The following COL5A1 variants were observed in gnomAD, a reference collection of about 807,000 sequenced individuals.
COL5A1 encodes collagen alpha-1(V) chain.
A neutral mutation model predicts 263.7 loss-of-function variants in COL5A1; 16 were observed. The ratio of observed to expected loss-of-function variants is 0.06; its 90% CI spans 0.04 to 0.09. The LOEUF (loss-of-function observed/expected upper bound fraction) is 0.09, where lower values mean the gene tolerates loss of function less well. Among genes scored for constraint, COL5A1 ranks in the 10% least tolerant of loss-of-function variants. The pLI is 1.00. For missense variants in COL5A1, 2,036 were observed against 2,540.5 expected, an observed-to-expected ratio of 0.80 and a Z score of 4.27; for synonymous variants, 1,012 against 1,004.5, an observed-to-expected ratio of 1.01 and a Z score of -0.14.
rs530238678 is a variant in COL5A1, at chr9:134,738,385, A to G, written c.1390-89A>G. The G allele has an allele frequency of 3.4e-6, 5 of 1,451,356 alleles. No homozygotes were observed. In the African/African-American group the frequency reaches 5.6e-5, roughly 16 times the overall value. 89.9% of individuals were successfully genotyped at this position (1,451,356 alleles called of 1,614,324 possible). A position where few individuals can be genotyped will look rare whatever the true frequency, so the allele number is the denominator to read the frequency against. ...GGAGCTGAGCCAGGGCCTCTTGTGC[A>G]TGCAGCTGAAGGCCGTCCACACCAC... is the stretch of plus-strand genomic sequence containing the variant. On this transcript the variant is annotated intron_variant, in intron 9 of 65. Coordinates refer to ENST00000371817, the MANE Select transcript of COL5A1 (RefSeq NM_000093.5).
chr9:134,818,643 C>T lies in COL5A1; in HGVS notation c.4231-13C>T, dbSNP rs558048358. On this transcript the variant is annotated splice_polypyrimidine_tract_variant and intron_variant, in intron 54 of 65. Transcript: ENST00000371817. The surrounding 1 kb of genome is among the most constrained non-coding windows in gnomAD (Gnocchi z 6.0). ...GAGCTCCGGACCTCATTCTGCCCTCCGCCGTCCTGCAGGGAGAAGCCGGCT... is the reference window on the plus strand; with the variant it reads ...GAGCTCCGGACCTCATTCTGCCCTCTGCCGTCCTGCAGGGAGAAGCCGGCT... 36 of 1,597,956 alleles carry T rather than the reference C, an allele frequency of 2.3e-5. No homozygotes were observed. Among genetic ancestry groups the T allele is most frequent in the African/African-American group, 5.4e-5 (4 of 74,516 alleles).
chr9:134,696,024 C>T lies in COL5A1; in HGVS notation c.278-3885C>T, dbSNP rs560845280. Among the ~76,000 whole-genome samples, 118 of 152,282 alleles carry T rather than the reference C, an allele frequency of 7.7e-4. No homozygotes were observed. Among genetic ancestry groups the T allele is most frequent in the Admixed American group, 2.5e-3 (38 of 15,300 alleles). On this transcript the variant is annotated intron_variant, in intron 2 of 65. Coordinates refer to ENST00000371817, the MANE Select transcript of COL5A1 (RefSeq NM_000093.5). This position sits in a 1 kb window ranked among gnomAD's most constrained non-coding sequence, Gnocchi z 4.3. ...CTGCCATGCTCCCCTTAGCCCGGCC[C>T]CTCCTGGGCTGCCAGGGTCCAGCTG...
rs1318353951 is a variant in COL5A1 at position 134,742,809 on chromosome 9, A to C, written c.1494+4001A>C. ...ATTTGTGAAGGTTCCCTATGATGCCATGGTGGCAGTGCCGTGCCCCTGTGG... is the reference window on the plus strand; with the variant it reads ...ATTTGTGAAGGTTCCCTATGATGCCCTGGTGGCAGTGCCGTGCCCCTGTGG... On this transcript the variant is annotated intron_variant, in intron 11 of 65. Transcript: ENST00000371817. The surrounding 1 kb of genome is among the most constrained non-coding windows in gnomAD (Gnocchi z 4.6). Among the ~76,000 whole-genome samples the C allele has an allele frequency of 1.3e-5, 2 of 152,208 alleles. No individual in the cohort carries two copies. The highest frequency in any genetic ancestry group is 4.8e-5 in the African/African-American group (2 of 41,462).
chr9:134,832,624 G>C (rs1839684834), intron 64 of COL5A1: 1 of 152,236 alleles, frequency 6.6e-6, no homozygotes, highest in Non-Finnish European at 1.5e-5. Context: ...TCTGTGTCCG[G>C]TGCTGCCCAC....
At chr9:134,709,618 G>A (rs1219876245) in intron 4 of COL5A1, among the ~76,000 whole-genome samples, 3 of 152,186 alleles carry the variant, frequency 2.0e-5, no homozygotes, top group Non-Finnish European at 4.4e-5. Context: ...GGTTGGGCAG[G>A]GCCTGCCTCT....
chr9:134,748,100 T>G lies in COL5A1; in HGVS notation c.1495-2442T>G, dbSNP rs1002873605. 6.7e-5 allele frequency among the ~76,000 whole-genome samples: 5 copies of G among 74,634 alleles called. No homozygotes were observed. The South Asian group carries it at 1.7e-3, about 25-fold the overall frequency. The allele number at this position is 74,634 out of a possible 152,430, so 49.0% of individuals were successfully genotyped here. ...ACAAACATGCATGCACAGACATGCATCCACACATGCATACACAGACATGCA... is the reference window on the plus strand; with the variant it reads ...ACAAACATGCATGCACAGACATGCAGCCACACATGCATACACAGACATGCA... On this transcript the variant is annotated intron_variant, in intron 11 of 65. Transcript: ENST00000371817.
At chr9:134,759,784 C>G (rs371344950) in intron 18 of COL5A1, among the ~76,000 whole-genome samples, 77 of 103,946 alleles carry the variant, frequency 7.4e-4, no homozygotes, top group East Asian at 2.6e-3. Context: ...CACTCATACA[C>G]ACATGCACAC....
chr9:134,744,684 C>G (rs1835428608), intron 11 of COL5A1, among the ~76,000 whole-genome samples: 1 of 151,848 alleles, frequency 6.6e-6, no homozygotes, highest in South Asian at 2.1e-4. Flanking sequence ...CACATTCACA[C>G]ATGCATGCAC....
intron 11 of COL5A1, among the ~76,000 whole-genome samples, chr9:134,739,648 G>A (rs1027032514): frequency 2.0e-5 from 3 of 152,192 alleles, no homozygotes; most frequent in South Asian, 2.1e-4. Context: ...GAGGCGTTTG[G>A]GGAGTGTCTT....
At chr9:134,663,943 C>T (rs765694892) in intron 1 of COL5A1, among the ~76,000 whole-genome samples, 2 of 152,230 alleles carry the variant, frequency 1.3e-5, no homozygotes, top group Non-Finnish European at 2.9e-5. Flanking sequence ...TGCTAGAGGC[C>T]TTCTTGGGCT....
chr9:134,759,597 C>A (rs1342057042), intron 18 of COL5A1, among the ~76,000 whole-genome samples: 3 of 125,190 alleles, frequency 2.4e-5, no homozygotes, highest in Admixed American at 8.1e-5. Flanking sequence ...CATGCATACA[C>A]CCCCACACCC....
At position 134,752,496 on chromosome 9, in the gene COL5A1, G is replaced by A. The variant is rs897716021; in HGVS notation, c.1663-93G>A. On this transcript the variant is annotated intron_variant, in intron 13 of 65. Coordinates refer to ENST00000371817, the MANE Select transcript of COL5A1 (RefSeq NM_000093.5). ...TGTCCCTCCTCTGTCCAGTCTGCCCGTTCCCTCCTGCCACATCTCACGGCT... is the reference window on the plus strand; with the variant it reads ...TGTCCCTCCTCTGTCCAGTCTGCCCATTCCCTCCTGCCACATCTCACGGCT... 60 of 947,674 alleles carry A rather than the reference G, an allele frequency of 6.3e-5. 1 individual carries two copies. The highest frequency in any genetic ancestry group is 3.8e-4 in the South Asian group (29 of 76,036). The allele number at this position is 947,674 out of a possible 1,614,324, so 58.7% of individuals were successfully genotyped here. A position where few individuals can be genotyped will look rare whatever the true frequency, so the allele number is the denominator to read the frequency against.
At position 134,696,757 on chromosome 9, in the gene COL5A1, G is replaced by C. The variant is rs967327659; in HGVS notation, c.278-3152G>C. Among the ~76,000 whole-genome samples the C allele has an allele frequency of 6.6e-6, 1 of 152,098 alleles. No homozygotes were observed. The highest frequency in any genetic ancestry group is 6.6e-5 in the Admixed American group (1 of 15,264). On this transcript the variant is annotated intron_variant, in intron 2 of 65. Coordinates refer to ENST00000371817, the MANE Select transcript of COL5A1 (RefSeq NM_000093.5). This position sits in a 1 kb window ranked among gnomAD's most constrained non-coding sequence, Gnocchi z 4.3. ...ATACCTAAAATGCTCTAGTGCCTTTGGACTTCAGCAGAAGTAAAAGTGAAA... is the reference window on the plus strand; with the variant it reads ...ATACCTAAAATGCTCTAGTGCCTTTCGACTTCAGCAGAAGTAAAAGTGAAA...
Position 134,744,501 on chromosome 9 carries a change from GCA to G in COL5A1, c.1494+5699_1494+5700del, listed in dbSNP as rs373392918. Among the ~76,000 whole-genome samples, 13 of 148,780 alleles carry G rather than the reference GCA, an allele frequency of 8.7e-5. No homozygotes were observed. The East Asian group carries it at 1.6e-3, about 18-fold the overall frequency. On this transcript the variant is annotated intron_variant, in intron 11 of 65. Coordinates refer to ENST00000371817, the MANE Select transcript of COL5A1 (RefSeq NM_000093.5). ...TATGCATGCACAGTCACCCACACCT[GCA>G]CACACTCATGCACACCCCCATACAT...
At position 134,758,238 on chromosome 9, in the gene COL5A1, T is replaced by G; in HGVS notation, c.1882-5T>G. 1.2e-6 allele frequency: 2 copies of G among 1,614,014 alleles called. No individual in the cohort carries two copies. Among genetic ancestry groups the G allele is most frequent in the Non-Finnish European group, 1.7e-6 (2 of 1,179,974 alleles). ...TCTGAGGCAGCCTTTCTGTCCTTTT[T>G]GCAGGGTGACCGGGGTTTCGACGGC... On this transcript the variant is annotated splice_region_variant and splice_polypyrimidine_tract_variant and intron_variant, in intron 17 of 65. Transcript: ENST00000371817. This position sits in a 1 kb window ranked among gnomAD's most constrained non-coding sequence, Gnocchi z 4.1.
intron 4 of COL5A1, among the ~76,000 whole-genome samples, chr9:134,712,868 C>T (rs1299035808): frequency 6.6e-6 from 1 of 151,920 alleles, no homozygotes; most frequent in South Asian, 2.1e-4. Context: ...CCCTGGACGC[C>T]TTTTTCCAGG....
intron 2 of COL5A1, among the ~76,000 whole-genome samples, chr9:134,693,974 G>C (rs929785544): frequency 5.3e-5 from 8 of 152,166 alleles, no homozygotes; most frequent in Admixed American, 4.6e-4. Context: ...GGATTCTAGA[G>C]ACCCGTACCT....
intron 1 of COL5A1, among the ~76,000 whole-genome samples, chr9:134,654,779 G>T (rs1335147612): frequency 1.4e-5 from 2 of 145,336 alleles, no homozygotes; most frequent in African/African-American, 2.6e-5. Flanking sequence ...TGGTGTCTAG[G>T]GCTGGGGTGT....
chr9:134,767,135 C>T (rs896657773), intron 23 of COL5A1, 82 bp downstream of exon 23: 23 of 1,523,406 alleles, frequency 1.5e-5, no homozygotes, highest in South Asian at 1.1e-4. Context: ...TGGGAGGAAG[C>T]GGGGAGCTCT....
Sources: gnomAD v4.1 joint callset for allele counts (sites outside exome capture counted in the v4.1 genomes callset) on GRCh38, gnomAD v4.1.1 for gene constraint, Gnocchi (gnomAD v3.1) non-coding constraint, MANE v1.5 for transcripts, NCBI Gene and HGNC (gene_info 2026-07-23, HGNC 2026-07-21) for gene names.